Variants in GFRA3 observed in about 807,000 individuals in gnomAD.
GFRA3 encodes the protein GDNF family receptor alpha-3.
Under a neutral mutation model 40.0 loss-of-function variants are expected in GFRA3, and 24 were observed. That is an observed-to-expected ratio of 0.60 (90% CI 0.43 to 0.84). GFRA3 has a LOEUF of 0.84. Among genes scored for constraint, GFRA3 ranks in the 40% least tolerant of loss-of-function variants. The pLI, the probability that GFRA3 is intolerant of heterozygous loss-of-function variation, is 0.00. For synonymous variants in GFRA3, 203 were observed against 213.5 expected, an observed-to-expected ratio of 0.95 and a Z score of 0.43; for missense variants, 405 against 530.6, an observed-to-expected ratio of 0.76 and a Z score of 2.33.
rs929521785 is a variant in GFRA3, at chr5:138,257,779, C to T, written c.645G>A (p.Leu215=). 5.0e-6 allele frequency: 8 copies of T among 1,612,284 alleles called. No individual in the cohort carries two copies. Among genetic ancestry groups the T allele is most frequent in the Non-Finnish European group, 6.8e-6 (8 of 1,179,174 alleles). ...CGTTGGGGGCACATGGGCACAGTAG[C>T]AGGCCCTGCGCGTGGGGCTCGGCGG... ...EKAAEPHAQG[L]LLCPCAPNDR... The change falls in exon 4 of 8, where the codon CTG becomes CTA. Residue 215 remains leucine (L), a synonymous_variant. Coordinates refer to ENST00000274721, the MANE Select transcript of GFRA3 (RefSeq NM_001496.4).
chr5:138,266,712 G>C (rs1755790370), intron 1 of GFRA3, among the ~76,000 whole-genome samples: 1 of 149,992 alleles, frequency 6.7e-6, no homozygotes, highest in South Asian at 2.1e-4. Flanking sequence ...TTTTGAGTCA[G>C]AGTCAGGCTG....
chr5:138,265,809 C>A (rs1755775353), intron 1 of GFRA3, among the ~76,000 whole-genome samples: 1 of 152,172 alleles, frequency 6.6e-6, no homozygotes, highest in South Asian at 2.1e-4. Flanking sequence ...ATCCTACCTA[C>A]CTCAGCCTCC....
At chr5:138,260,863 AC>A (rs988293766) in intron 2 of GFRA3, among the ~76,000 whole-genome samples, 1 of 151,912 alleles carries the variant, frequency 6.6e-6, no homozygotes, top group Non-Finnish European at 1.5e-5. Context: ...CTTCATCTCT[AC>A]AAAAAATTTA....
At chr5:138,274,261 T>G (rs1755916901) in intron 1 of GFRA3, 73 bp downstream of exon 1, 1 of 1,304,738 alleles carries the variant, frequency 7.7e-7, no homozygotes, top group South Asian at 2.9e-5. Flanking sequence ...TCCGGACAGG[T>G]GCCCCGGGCC....
intron 1 of GFRA3, among the ~76,000 whole-genome samples, chr5:138,269,844 C>CAA (rs71585112): frequency 1.0e-4 from 8 of 79,988 alleles, no homozygotes; most frequent in African/African-American, 2.9e-4. Context: ...GACTCCATCT[C>CAA]AAAAAAAAAA....
intron 1 of GFRA3, 92 bp from the exon 2 acceptor site, chr5:138,264,640 T>A: frequency 1.2e-6 from 1 of 804,758 alleles, no homozygotes; most frequent in South Asian, 1.8e-5. Flanking sequence ...ATATTCCTGA[T>A]GAAACTTTGT....
chr5:138,271,911 T>TGTGTGTGTGTGTG (rs61407779), intron 1 of GFRA3, among the ~76,000 whole-genome samples: 84 of 95,198 alleles, frequency 8.8e-4, no homozygotes, highest in East Asian at 4.5e-3. Context: ...TTTTTTTTTT[T>TGTGTGTGTGTGTG]TTTGTGTGTG....
intron 1 of GFRA3, among the ~76,000 whole-genome samples, chr5:138,266,320 T>C (rs1051345538): frequency 7.9e-5 from 12 of 152,190 alleles, no homozygotes; most frequent in African/African-American, 1.7e-4. Context: ...TTTCTATACA[T>C]ACTGCCAACT....
chr5:138,270,205 C>CAAAA (rs34014240), intron 1 of GFRA3, among the ~76,000 whole-genome samples: 8 of 72,440 alleles, frequency 1.1e-4, no homozygotes, highest in South Asian at 4.5e-4. Context: ...ACTAAAAATA[C>CAAAA]AAAAAAAAAA....
Position 138,263,065 on chromosome 5 carries a change from A to T in GFRA3, c.379+1196T>A, listed in dbSNP as rs149519004. 3.0e-3 allele frequency among the ~76,000 whole-genome samples: 459 copies of T among 152,240 alleles called. 3 individuals are homozygous for T. Among genetic ancestry groups the T allele is most frequent in the Non-Finnish European group, 1.9e-3 (127 of 68,020 alleles). ...CTGCAACCTCTGCTTCCCGGGTTCA[A>T]GTGATTCTCCTGCCTCAGCTTCCCA... On this transcript the variant is annotated intron_variant, in intron 2 of 7. Coordinates refer to ENST00000274721, the MANE Select transcript of GFRA3 (RefSeq NM_001496.4).
chr5:138,262,735 T>C (rs746240582), intron 2 of GFRA3, among the ~76,000 whole-genome samples: 1 of 152,106 alleles, frequency 6.6e-6, no homozygotes, highest in African/African-American at 2.4e-5. Flanking sequence ...GTTACAGGTG[T>C]GAGCCACCAC....
intron 1 of GFRA3, among the ~76,000 whole-genome samples, chr5:138,273,812 CA>C (rs1755908653): frequency 6.6e-6 from 1 of 152,174 alleles, no homozygotes; most frequent in South Asian, 2.1e-4. Context: ...ATCCAAGGGG[CA>C]AGCCACTGTG....
chr5:138,261,553 G>T (rs1024396578), intron 2 of GFRA3, among the ~76,000 whole-genome samples: 2 of 151,904 alleles, frequency 1.3e-5, no homozygotes, highest in Non-Finnish European at 1.5e-5. Flanking sequence ...AATTAGCCAG[G>T]CATGGTGGCA....
At chr5:138,253,577 G>A (rs572471565) in intron 6 of GFRA3, among the ~76,000 whole-genome samples, 189 bp downstream of exon 6, 51 of 152,314 alleles carry the variant, frequency 3.3e-4, no homozygotes, top group African/African-American at 6.0e-4. Context: ...AACAGGCAGC[G>A]TGGGAGGTTT....
At chr5:138,274,312 CG>C in intron 1 of GFRA3, 21 bp downstream of exon 1, 2 of 1,318,698 alleles carry the variant, frequency 1.5e-6, no homozygotes, top group Non-Finnish European at 1.9e-6. Context: ...TACCCCCGGC[CG>C]GTGCGCGCTC....
At chr5:138,254,346 C>G (rs1300801730) in intron 4 of GFRA3, among the ~76,000 whole-genome samples, 186 bp from the exon 5 acceptor site, 1 of 152,096 alleles carries the variant, frequency 6.6e-6, no homozygotes, top group Non-Finnish European at 1.5e-5. Flanking sequence ...TGCCACCACA[C>G]CTGGCTAATT....
At chr5:138,266,837 A>G (rs968844050) in intron 1 of GFRA3, among the ~76,000 whole-genome samples, 2 of 152,022 alleles carry the variant, frequency 1.3e-5, no homozygotes, top group Non-Finnish European at 2.9e-5. Context: ...ACCCGCCACA[A>G]TGCTCAGCTA....
At chr5:138,269,864 A>G (rs1373303364) in intron 1 of GFRA3, among the ~76,000 whole-genome samples, 1 of 146,254 alleles carries the variant, frequency 6.8e-6, no homozygotes, top group Non-Finnish European at 1.5e-5. Context: ...AAAAAAAAAA[A>G]GTAGAACTAC....
At chr5:138,254,928 AG>A (rs1422849790) in intron 4 of GFRA3, among the ~76,000 whole-genome samples, 1 of 151,672 alleles carries the variant, frequency 6.6e-6, no homozygotes, top group Non-Finnish European at 1.5e-5. Flanking sequence ...ACCCTGTCTC[AG>A]AACGAAAGAA....
Sources: gnomAD v4.1 joint callset for allele counts (sites outside exome capture counted in the v4.1 genomes callset) on GRCh38, gnomAD v4.1.1 for gene constraint, MANE v1.5 for transcripts, NCBI Gene and HGNC (gene_info 2026-07-23, HGNC 2026-07-21) for gene names.